The following RASSF3 variants were observed in gnomAD, a reference collection of about 807,000 sequenced individuals.
RASSF3 encodes ras association domain-containing protein 3.
In RASSF3, 19 loss-of-function variants were observed where a neutral mutation model predicts 19.9. That is an observed-to-expected ratio of 0.96 (90% confidence interval 0.67 to 1.40). RASSF3 has a LOEUF of 1.40. Among genes scored for constraint, RASSF3 ranks in the 40% most tolerant of loss-of-function variants. The pLI is 0.00. For synonymous variants in RASSF3, 110 were observed against 104.2 expected, an observed-to-expected ratio of 1.06 and a Z score of -0.34; for missense variants, 306 against 289.8, an observed-to-expected ratio of 1.06 and a Z score of -0.41.
intron 1 of RASSF3, among the ~76,000 whole-genome samples, chr12:64,511,355 A>G (rs528831715): frequency 2.0e-5 from 3 of 152,248 alleles, no homozygotes; most frequent in Non-Finnish European, 4.4e-5. Context: ...GGTGGTGTGC[A>G]CCTGTAATCC....
chr12:64,695,088 TGTAA>T lies in RASSF3; in HGVS notation c.*178_*181del. The T allele has an allele frequency of 1.6e-6, 1 of 621,754 alleles. No individual in the cohort carries two copies. Among genetic ancestry groups the T allele is most frequent in the Non-Finnish European group, 2.7e-6 (1 of 366,594 alleles). The allele number at this position is 621,754 out of a possible 1,614,324, so 38.5% of individuals were successfully genotyped here. A position where few individuals can be genotyped will look rare whatever the true frequency, so the allele number is the denominator to read the frequency against. ...CAGCATCCTGCACCTTAGCGTCCCATGTAAGGGACTCTGCAAGCTTGTTGTTCAG... is the reference window on the plus strand; with the variant it reads ...CAGCATCCTGCACCTTAGCGTCCCATGGGACTCTGCAAGCTTGTTGTTCAG... On this transcript the variant is annotated 3_prime_UTR_variant, in exon 5 of 5. Coordinates refer to ENST00000542104, the MANE Select transcript of RASSF3 (RefSeq NM_178169.4).
intron 2 of RASSF3, chr12:64,599,162 C>T (rs937631437): frequency 6.6e-6 from 1 of 152,184 alleles, no homozygotes; most frequent in African/African-American, 2.4e-5. Context: ...AGTGGTGACT[C>T]TTCACTTTGA....
chr12:64,611,046 C>T (rs574797366), intron 1 of RASSF3, among the ~76,000 whole-genome samples: 99 of 152,346 alleles, frequency 6.5e-4, no homozygotes, highest in African/African-American at 2.3e-3. Flanking sequence ...GCCCCGGAGC[C>T]AGCAGGCGTC....
upstream of RASSF3, among the ~76,000 whole-genome samples, chr12:64,532,122 G>C (rs942769663): frequency 3.3e-5 from 5 of 152,208 alleles, no homozygotes; most frequent in Admixed American, 1.3e-4. Context: ...ATTTGGGAGA[G>C]AGCGCTTCGA....
At chr12:64,565,414 T>TA (rs1331482467) in intron 2 of RASSF3, among the ~76,000 whole-genome samples, 2 of 151,890 alleles carry the variant, frequency 1.3e-5, no homozygotes, top group African/African-American at 4.8e-5. Context: ...TCATCTCTAC[T>TA]AAAAATACAA....
chr12:64,597,725 C>T (rs895520526), intron 2 of RASSF3, among the ~76,000 whole-genome samples: 1 of 151,576 alleles, frequency 6.6e-6, no homozygotes, highest in Non-Finnish European at 1.5e-5. Flanking sequence ...CCCAAAGTGC[C>T]GGGATTACAG....
At chr12:64,518,359 G>A (rs751860025) in intron 1 of RASSF3, among the ~76,000 whole-genome samples, 42 of 152,216 alleles carry the variant, frequency 2.8e-4, no homozygotes, top group Non-Finnish European at 5.3e-4. Context: ...AGGAAGCATG[G>A]TGCTGACATC....
At chr12:64,507,257 T>C in exon 1 of RASSF3, 1 of 398,650 alleles carries the variant, frequency 2.5e-6, no homozygotes, top group East Asian at 3.6e-5. Flanking sequence ...AGCCCGGCTC[T>C]TTTACTGGTT....
intron 1 of RASSF3, among the ~76,000 whole-genome samples, chr12:64,645,887 A>G (rs1871714069): frequency 6.6e-6 from 1 of 152,206 alleles, no homozygotes; most frequent in Non-Finnish European, 1.5e-5. Context: ...ACTGTTCACA[A>G]TCAGTAATCT....
intron 2 of RASSF3, among the ~76,000 whole-genome samples, chr12:64,572,899 T>C (rs1406089908): frequency 6.6e-6 from 1 of 152,174 alleles, no homozygotes; most frequent in Non-Finnish European, 1.5e-5. Flanking sequence ...AAATGCAATT[T>C]CTTTTTAAAA....
In RASSF3 at chr12:64,559,246, CTT is replaced by C. The variant is rs56100965; in HGVS notation, c.294+17555_294+17556del. 3.2e-3 allele frequency among the ~76,000 whole-genome samples: 444 copies of C among 140,722 alleles called. 4 individuals carry two copies. Among genetic ancestry groups the C allele is most frequent in the African/African-American group, 0.011 (420 of 38,476 alleles). 92.3% of individuals were successfully genotyped at this position (140,722 alleles called of 152,430 possible). A position where few individuals can be genotyped will look rare whatever the true frequency, so the allele number is the denominator to read the frequency against. On this transcript the variant is annotated intron_variant, in intron 2 of 5. Transcript: ENST00000637125. ...GTCCATTTTCTTTTCTTCTTTTTTT[CTT>C]TTTTTTTTTTTTTGAGGCGGAGTCT...
At chr12:64,572,258 T>G (rs1869530965) in intron 2 of RASSF3, among the ~76,000 whole-genome samples, 1 of 152,186 alleles carries the variant, frequency 6.6e-6, no homozygotes, top group Non-Finnish European at 1.5e-5. Context: ...CAATTCGATT[T>G]AGATGAGCCC....
chr12:64,507,826 A>G (rs1439183545), intron 1 of RASSF3, among the ~76,000 whole-genome samples: 2 of 152,138 alleles, frequency 1.3e-5, no homozygotes, highest in Non-Finnish European at 2.9e-5. Flanking sequence ...TTGATGTGAG[A>G]ATTTAAAGCA....
chr12:64,645,805 GTCTC>G (rs1406268383), intron 1 of RASSF3, among the ~76,000 whole-genome samples: 2 of 152,112 alleles, frequency 1.3e-5, no homozygotes, highest in African/African-American at 4.8e-5. Context: ...AATCTAATGA[GTCTC>G]TATGTTTAAC....
intron 2 of RASSF3, among the ~76,000 whole-genome samples, chr12:64,591,775 A>G (rs1314119417): frequency 6.6e-6 from 1 of 152,114 alleles, no homozygotes; most frequent in Non-Finnish European, 1.5e-5. Context: ...TTATGTAAAC[A>G]TTCATAGAAT....
intron 1 of RASSF3, among the ~76,000 whole-genome samples, chr12:64,518,553 G>A (rs1436351396): frequency 6.6e-6 from 1 of 152,198 alleles, no homozygotes; most frequent in Non-Finnish European, 1.5e-5. Context: ...CCATGCATGA[G>A]GGATCCATCC....
chr12:64,618,387 C>T lies in RASSF3; in HGVS notation c.111+7644C>T, dbSNP rs538766811. Among the ~76,000 whole-genome samples the T allele has an allele frequency of 2.2e-3, 338 of 152,176 alleles. 2 individuals are homozygous for T. Among genetic ancestry groups the T allele is most frequent in the African/African-American group, 7.8e-3 (324 of 41,508 alleles). ...TGTTGCCCAGGCTGGAGTGCAGTGGCGTGATCTCGGCTCACTGCAACCTCC... is the reference window on the plus strand; with the variant it reads ...TGTTGCCCAGGCTGGAGTGCAGTGGTGTGATCTCGGCTCACTGCAACCTCC... On this transcript the variant is annotated intron_variant, in intron 1 of 4. Coordinates refer to ENST00000542104, the MANE Select transcript of RASSF3 (RefSeq NM_178169.4).
intron 1 of RASSF3, among the ~76,000 whole-genome samples, chr12:64,678,648 CA>C (rs767180678): frequency 0.011 from 957 of 90,912 alleles, 5 homozygotes; most frequent in Admixed American, 0.016. Flanking sequence ...TCCGTAATAC[CA>C]AAAAAAAAAA....
chr12:64,518,033 T>G (rs1183686493), intron 1 of RASSF3, among the ~76,000 whole-genome samples: 2 of 152,194 alleles, frequency 1.3e-5, no homozygotes, highest in African/African-American at 4.8e-5. Flanking sequence ...TTTTACTCTC[T>G]GTTATTTTTA....
Sources: allele counts gnomAD v4.1 joint callset (sites outside exome capture counted in the v4.1 genomes callset), GRCh38; gene constraint gnomAD v4.1.1; transcripts MANE v1.5; gene names NCBI Gene and HGNC (gene_info 2026-07-23, HGNC 2026-07-21).